NOTCH2: variants seen among roughly 807,000 people sequenced by gnomAD.
NOTCH2 encodes the protein neurogenic locus notch homolog protein 2.
A neutral mutation model predicts 235.8 loss-of-function variants in NOTCH2; 29 were observed. The ratio of observed to expected loss-of-function variants is 0.12; its 90% CI spans 0.09 to 0.17. The LOEUF is 0.17. NOTCH2 is among the 10% of genes least tolerant of loss of function. The pLI, the probability that NOTCH2 is intolerant of heterozygous loss-of-function variation, is 1.00. For missense variants in NOTCH2, 2,285 were observed against 3,150.2 expected (o/e 0.73, Z 6.57); for synonymous variants, 1,086 against 1,141.5 (o/e 0.95, Z 0.98).
intron 22 of NOTCH2, among the ~76,000 whole-genome samples, chr1:119,934,639 T>C (rs1649783100): frequency 6.6e-6 from 1 of 152,214 alleles, no homozygotes; most frequent in South Asian, 2.1e-4. Flanking sequence ...ATACCTGGGG[T>C]GGCAAATTAT....
chr1:119,985,948 T>C (rs74115514), intron 5 of NOTCH2, among the ~76,000 whole-genome samples: 126 of 152,322 alleles, frequency 8.3e-4, no homozygotes, highest in African/African-American at 2.9e-3. Context: ...GCAGAAATGT[T>C]TGGCCTCCCC....
At chr1:120,060,470 TAA>T (rs1201050013) in intron 1 of NOTCH2, among the ~76,000 whole-genome samples, 205 of 148,506 alleles carry the variant, frequency 1.4e-3, no homozygotes, top group African/African-American at 4.5e-3. Flanking sequence ...TATATATATA[TAA>T]AAATAAATCA....
intron 4 of NOTCH2, among the ~76,000 whole-genome samples, chr1:119,991,844 G>C (rs199639508): frequency 1.6e-5 from 2 of 127,094 alleles, no homozygotes; most frequent in South Asian, 2.7e-4. Context: ...AAAAAAAAAA[G>C]AAAAGAAAAG....
chr1:120,000,488 T>C (rs1482120404), intron 3 of NOTCH2, among the ~76,000 whole-genome samples: 1 of 139,914 alleles, frequency 7.1e-6, no homozygotes, highest in Non-Finnish European at 1.5e-5. Context: ...GAACCGAGAT[T>C]GTGCCCTGCA....
At chr1:120,002,466 C>A (rs1348494316) in intron 3 of NOTCH2, among the ~76,000 whole-genome samples, 1 of 151,976 alleles carries the variant, frequency 6.6e-6, no homozygotes, top group Admixed American at 6.5e-5. Context: ...TACAACAGCC[C>A]AATCCAGGCG....
At position 119,968,056 on chromosome 1, in the gene NOTCH2, G is replaced by C. The variant is rs782417059; in HGVS notation, c.1264+21C>G. 4 of 1,613,764 alleles carry C rather than the reference G, an allele frequency of 2.5e-6. No individual in the cohort carries two copies. In the East Asian group the frequency reaches 8.9e-5, roughly 36 times the overall value. On this transcript the variant is annotated intron_variant, in intron 7 of 33. Transcript: ENST00000256646. ...AGCTCAACAGACACTTCACAGAACA[G>C]AAAAAGTTCTGCTTACTCACCCATG...
chr1:120,023,361 C>T (rs6681563), intron 2 of NOTCH2, among the ~76,000 whole-genome samples: 7,506 of 150,840 alleles, frequency 0.05, 250 homozygotes, highest in Non-Finnish European at 0.077. Flanking sequence ...GGCAAGAACC[C>T]GGGAGGCGGA....
chr1:120,027,592 C>T (rs1206613277), intron 2 of NOTCH2, among the ~76,000 whole-genome samples: 7 of 151,616 alleles, frequency 4.6e-5, no homozygotes, highest in Non-Finnish European at 1.0e-4. Context: ...GCCCCACGTG[C>T]ATTAGGTATT....
rs992471054 is a variant in NOTCH2 at position 119,914,065 on chromosome 1, G to A, written c.*1241C>T. On this transcript the variant is annotated 3_prime_UTR_variant, in exon 34 of 34. Coordinates refer to ENST00000256646, the MANE Select transcript of NOTCH2 (RefSeq NM_024408.4). ...AGTAGAGACTGATCATCTGACAAAC[G>A]GAAGACAACTGTCACTGGGTCCCTT... 10 of 233,056 alleles carry A rather than the reference G, an allele frequency of 4.3e-5. No individual in the cohort carries two copies. Among genetic ancestry groups the A allele is most frequent in the East Asian group, 6.0e-5 (1 of 16,582 alleles). 14.4% of individuals were successfully genotyped at this position (233,056 alleles called of 1,614,324 possible). A position where few individuals can be genotyped will look rare whatever the true frequency, so the allele number is the denominator to read the frequency against.
intron 25 of NOTCH2, among the ~76,000 whole-genome samples, chr1:119,924,225 C>A (rs1649387211): frequency 6.6e-6 from 1 of 152,144 alleles, no homozygotes; most frequent in Non-Finnish European, 1.5e-5. Context: ...AGCTTAGGGG[C>A]TCCCAGGCAG....
At chr1:119,975,767 C>T (rs1553200869) in intron 5 of NOTCH2, among the ~76,000 whole-genome samples, 1 of 152,132 alleles carries the variant, frequency 6.6e-6, no homozygotes, top group Admixed American at 6.5e-5. Flanking sequence ...CACGCTTCAG[C>T]CAAGTGAGCC....
chr1:119,932,328 C>T (rs1299858615), intron 22 of NOTCH2, among the ~76,000 whole-genome samples: 2 of 152,154 alleles, frequency 1.3e-5, no homozygotes, highest in Non-Finnish European at 2.9e-5. Flanking sequence ...TGGCTCACGC[C>T]TGTCATCCCA....
At chr1:119,982,676 T>G (rs1357757858) in intron 5 of NOTCH2, among the ~76,000 whole-genome samples, 1 of 152,246 alleles carries the variant, frequency 6.6e-6, no homozygotes, top group Non-Finnish European at 1.5e-5. Flanking sequence ...TAAAGGAATA[T>G]CCAGTATTCA....
At chr1:120,038,971 A>G (rs1358796805) in intron 1 of NOTCH2, among the ~76,000 whole-genome samples, 3 of 152,172 alleles carry the variant, frequency 2.0e-5, no homozygotes, top group Non-Finnish European at 4.4e-5. Context: ...AATAATTTAC[A>G]TCTAAATGAA....
In NOTCH2 at chr1:119,969,494, G is replaced by A. The variant is rs376006218; in HGVS notation, c.1108+17C>T. The A allele has an allele frequency of 2.1e-4, 334 of 1,609,422 alleles. No individual in the cohort carries two copies. Among genetic ancestry groups the A allele is most frequent in the Admixed American group, 4.5e-4 (27 of 59,806 alleles). On this transcript the variant is annotated intron_variant, in intron 6 of 33. Coordinates refer to ENST00000256646, the MANE Select transcript of NOTCH2 (RefSeq NM_024408.4). ...CTGCCCCTTCCCTGTTTCTAGATCC[G>A]TCCTTCTGCTACCTACCTGCCTTCC...
intron 4 of NOTCH2, 80 bp from the exon 5 acceptor site, chr1:119,987,162 A>G: frequency 6.5e-7 from 1 of 1,550,364 alleles, no homozygotes; most frequent in Non-Finnish European, 8.9e-7. Context: ...GAACATGGTT[A>G]TTAGAATAGA....
Position 119,966,341 on chromosome 1 carries a change from T to C in NOTCH2, c.1567+35A>G, listed in dbSNP as rs782540942. ...CCCTGTGGTCAGTTGGCTTTGTGCT[T>C]TAAGAGAAAACAGGGCCAGGTCGTG... On this transcript the variant is annotated intron_variant, in intron 9 of 33. Transcript: ENST00000256646. The C allele has an allele frequency of 5.5e-6, 8 of 1,452,406 alleles. 1 individual carries two copies. In the South Asian group the frequency reaches 9.1e-5, roughly 17 times the overall value. The allele number at this position is 1,452,406 out of a possible 1,614,324, so 90.0% of individuals were successfully genotyped here. A position where few individuals can be genotyped will look rare whatever the true frequency, so the allele number is the denominator to read the frequency against.
intron 1 of NOTCH2, among the ~76,000 whole-genome samples, chr1:120,048,238 C>A (rs1424335378): frequency 1.4e-5 from 2 of 139,462 alleles, no homozygotes; most frequent in Non-Finnish European, 3.1e-5. Context: ...TATATACGTG[C>A]ATAGCAAAAA....
rs782259944 is a variant in NOTCH2 at position 119,963,830 on chromosome 1, G to T, written c.1682-23C>A. ...AACCTTTGGAAAGAATTTTATCAAG[G>T]ATTCTCAAAGACCAAGGCAGATATT... On this transcript the variant is annotated intron_variant, in intron 10 of 33. Transcript: ENST00000256646. The T allele has an allele frequency of 2.3e-5, 37 of 1,595,262 alleles. 1 individual carries two copies. The South Asian group carries it at 4.0e-4, about 17-fold the overall frequency.
Sources: gnomAD v4.1 joint callset for allele counts (sites outside exome capture counted in the v4.1 genomes callset) on GRCh38, gnomAD v4.1.1 for gene constraint, MANE v1.5 for transcripts, NCBI Gene and HGNC (gene_info 2026-07-23, HGNC 2026-07-21) for gene names.